ZFHX3: variants seen among roughly 807,000 people sequenced by gnomAD.
ZFHX3 encodes the protein zinc finger homeobox protein 3.
In ZFHX3, 42 loss-of-function variants were observed where a neutral mutation model predicts 279.1. The ratio of observed to expected loss-of-function variants is 0.15; its 90% confidence interval spans 0.12 to 0.19. The LOEUF (loss-of-function observed/expected upper bound fraction) is 0.19, where lower values mean the gene tolerates loss of function less well. Among genes scored for constraint, ZFHX3 ranks in the 10% least tolerant of loss-of-function variants. ZFHX3 has a pLI of 1.00. For synonymous variants in ZFHX3, 2,293 were observed against 1,957.8 expected, an observed-to-expected ratio of 1.17 and a Z score of -4.52; for missense variants, 4,981 against 4,754.0, an observed-to-expected ratio of 1.05 and a Z score of -1.40.
chr16:72,955,571 G>C (rs1961213478), intron 2 of ZFHX3, among the ~76,000 whole-genome samples: 1 of 152,160 alleles, frequency 6.6e-6, no homozygotes, highest in South Asian at 2.1e-4. Flanking sequence ...CTGAGGTCAA[G>C]GGTTTGAGAC....
At position 73,682,508 on chromosome 16, in the gene ZFHX3, G is replaced by A. The variant is rs538950369; in HGVS notation, c.-1607-2268C>T. On this transcript the variant is annotated intron_variant, in intron 1 of 17. Coordinates refer to the ZFHX3 transcript ENST00000641206. The stretch of plus-strand genomic sequence containing the variant: ...CACTGATCTAAAAGAAAGGTAGGCC[G>A]GGTGCGGTGGCTCACGCCTGTAATC... Among the ~76,000 whole-genome samples, 3 of 152,150 alleles carry A rather than the reference G, an allele frequency of 2.0e-5. No homozygotes were observed. The East Asian group carries it at 5.8e-4, about 30-fold the overall frequency.
chr16:73,224,283 G>A (rs2012519768), intron 5 of ZFHX3, among the ~76,000 whole-genome samples: 1 of 152,236 alleles, frequency 6.6e-6, no homozygotes, highest in African/African-American at 2.4e-5. Flanking sequence ...TGAAGACAGA[G>A]AGTAAATGAG....
intron 1 of ZFHX3, among the ~76,000 whole-genome samples, chr16:73,882,988 T>C (rs1452118943): frequency 6.6e-6 from 1 of 151,898 alleles, no homozygotes; most frequent in Non-Finnish European, 1.5e-5. Flanking sequence ...GGATTTGGGT[T>C]TTTTTGAAAT....
At chr16:72,866,133 C>A (rs2038016918) in intron 4 of ZFHX3, among the ~76,000 whole-genome samples, 1 of 152,200 alleles carries the variant, frequency 6.6e-6, no homozygotes, top group African/African-American at 2.4e-5. Context: ...TGGCAGGGCT[C>A]TGTCCTAACA....
At chr16:72,859,707 T>C (rs1002931643) in intron 4 of ZFHX3, among the ~76,000 whole-genome samples, 11 of 152,146 alleles carry the variant, frequency 7.2e-5, no homozygotes, top group Admixed American at 2.0e-4. Context: ...ACTGAGACCA[T>C]CCTTTAGTCT....
At chr16:73,091,324 G>A (rs946194680) in intron 8 of ZFHX3, among the ~76,000 whole-genome samples, 1 of 152,104 alleles carries the variant, frequency 6.6e-6, no homozygotes, top group Non-Finnish European at 1.5e-5. Context: ...GCCTGGGAGA[G>A]ACAACCTTAT....
chr16:72,938,612 A>G (rs530816943), intron 3 of ZFHX3, among the ~76,000 whole-genome samples: 1 of 152,364 alleles, frequency 6.6e-6, no homozygotes, highest in African/African-American at 2.4e-5. Flanking sequence ...GTGTCACTCG[A>G]GAACTCACCA....
intron 1 of ZFHX3, among the ~76,000 whole-genome samples, chr16:73,814,661 G>C (rs1389330207): frequency 6.6e-6 from 1 of 151,290 alleles, no homozygotes; most frequent in African/African-American, 2.4e-5. Flanking sequence ...TCTGCCTCCT[G>C]GGTTCAAGTG....
chr16:73,654,237 C>T (rs2052700304), intron 2 of ZFHX3, among the ~76,000 whole-genome samples: 1 of 149,946 alleles, frequency 6.7e-6, no homozygotes, highest in Non-Finnish European at 1.5e-5. Context: ...TTCCTCTCAA[C>T]ACATTTAAGT....
intron 2 of ZFHX3, among the ~76,000 whole-genome samples, chr16:73,630,745 G>T (rs559785793): frequency 6.6e-6 from 1 of 152,356 alleles, no homozygotes; most frequent in East Asian, 1.9e-4. Context: ...AGCAAGAAAA[G>T]TCCAGGTTAA....
intron 1 of ZFHX3, among the ~76,000 whole-genome samples, chr16:73,046,896 A>T (rs1005959288): frequency 1.2e-4 from 12 of 100,060 alleles, no homozygotes; most frequent in African/African-American, 4.7e-4. Context: ...AATGACACAG[A>T]GGGTGGGGGG....
intron 3 of ZFHX3, among the ~76,000 whole-genome samples, chr16:73,422,685 T>C (rs1199453528): frequency 6.6e-6 from 1 of 152,232 alleles, no homozygotes; most frequent in Non-Finnish European, 1.5e-5. Context: ...AATACTCATG[T>C]GCCTCCTTCC....
At chr16:73,511,547 G>A (rs1162653577) in intron 2 of ZFHX3, among the ~76,000 whole-genome samples, 1 of 152,196 alleles carries the variant, frequency 6.6e-6, no homozygotes. Context: ...CAAATATGGA[G>A]TTGAATGACT....
chr16:73,269,819 G>A (rs1415003886), intron 4 of ZFHX3, among the ~76,000 whole-genome samples: 1 of 151,802 alleles, frequency 6.6e-6, no homozygotes, highest in African/African-American at 2.4e-5. Context: ...CGTGATCTTG[G>A]CTCACTGCAA....
chr16:73,359,455 G>A (rs11863398), intron 3 of ZFHX3, among the ~76,000 whole-genome samples: 7,574 of 152,232 alleles, frequency 0.05, 610 homozygotes, highest in African/African-American at 0.17. Context: ...CAATGCTGTA[G>A]GATTGGGGAA....
chr16:72,798,225 G>C lies in ZFHX3; in HGVS notation c.4457C>G (p.Thr1486Ser), dbSNP rs1399108891. 5.0e-6 allele frequency: 8 copies of C among 1,614,028 alleles called. No individual in the cohort carries two copies. Among genetic ancestry groups the C allele is most frequent in the Non-Finnish European group, 6.8e-6 (8 of 1,180,046 alleles). ...CTCCTTGTCTTCCTCAACAATTATG[G>C]TATGGTCCTCTGCCAGAGTGGGGTC... ...MGDPTLAEDH[T>S]IIVEEDKEEE... The change falls in exon 9 of 10, where the codon ACC (threonine) becomes AGC (serine). Residue 1486 changes from threonine to serine, a missense_variant. Coordinates refer to ENST00000268489, the MANE Select transcript of ZFHX3 (RefSeq NM_006885.4).
intron 5 of ZFHX3, among the ~76,000 whole-genome samples, chr16:73,165,229 C>A (rs1409247620): frequency 6.6e-6 from 1 of 152,136 alleles, no homozygotes; most frequent in Non-Finnish European, 1.5e-5. Flanking sequence ...TTACCCCAAC[C>A]CGGATGCAAA....
intron 5 of ZFHX3, among the ~76,000 whole-genome samples, chr16:73,148,890 T>C (rs1052698477): frequency 6.6e-6 from 1 of 151,886 alleles, no homozygotes; most frequent in Non-Finnish European, 1.5e-5. Flanking sequence ...GAGGCTGCAG[T>C]GAGCCTAGAT....
In ZFHX3 at chr16:72,959,021, C is replaced by T. The variant is rs1387102132; in HGVS notation, c.1125G>A (p.Gly375=). The T allele has an allele frequency of 3.7e-6, 6 of 1,612,652 alleles. No individual in the cohort carries two copies. The South Asian group carries it at 4.4e-5, about 12-fold the overall frequency. The change falls in exon 2 of 10, where the codon GGG becomes GGA. Residue 375 remains glycine (G), a synonymous_variant. Transcript: ENST00000268489. ...YGKFSGIRME[G]EEALPAGSAA... is the part of the protein sequence containing the mutation. ...CGGAGCCCGCTGGGAGAGCTTCCTC[C>T]CCTTCCATTCGAATGCCACTAAATT... is the stretch of plus-strand genomic sequence containing the variant.
Sources: gnomAD v4.1 joint callset for allele counts (sites outside exome capture counted in the v4.1 genomes callset) on GRCh38, gnomAD v4.1.1 for gene constraint, MANE v1.5 for transcripts, NCBI Gene and HGNC (gene_info 2026-07-23, HGNC 2026-07-21) for gene names.